The following LITAF variants were observed in gnomAD, a reference collection of about 807,000 sequenced individuals.
The protein encoded by LITAF is lipopolysaccharide-induced tumor necrosis factor-alpha factor.
A neutral mutation model predicts 14.5 loss-of-function variants in LITAF; 9 were observed. That is an observed-to-expected ratio of 0.62 (90% CI 0.37 to 1.08). The LOEUF (loss-of-function observed/expected upper bound fraction) is 1.08, where lower values mean the gene tolerates loss of function less well. LITAF is among the 50% of genes least tolerant of loss of function. The pLI, the probability that LITAF is intolerant of heterozygous loss-of-function variation, is 0.01. For synonymous variants in LITAF, 98 were observed against 88.2 expected (o/e 1.11, Z -0.62); for missense variants, 206 against 213.4 (o/e 0.97, Z 0.22).
chr16:11,626,855 G>GTT (rs201592153), intron 3 of LITAF, among the ~76,000 whole-genome samples: 25 of 150,282 alleles, frequency 1.7e-4, no homozygotes, highest in African/African-American at 5.6e-4. Context: ...TCTTTTTTTT[G>GTT]TTTTTTTTTG....
In LITAF at chr16:11,553,580, G is replaced by T; in HGVS notation, c.330C>A (p.Asn110Lys). 6.2e-7 allele frequency: 1 copy of T among 1,614,178 alleles called. No homozygotes were observed. Among genetic ancestry groups the T allele is most frequent in the Non-Finnish European group, 8.5e-7 (1 of 1,180,040 alleles). ...NKMIVSQLSY[N>K]AGALTWLSCG... ...AGGACAGCCAGGTCAGAGCACCGGC[G>T]TTATAGGACAGCTGACTCACGATCA... is the stretch of plus-strand genomic sequence containing the variant. The change falls in exon 3 of 4, where the codon AAC becomes AAA. Residue 110 changes from asparagine to lysine, a missense_variant. Physicochemically the swap from Asn to Lys is moderately conservative, Grantham distance 94 (BLOSUM62 0). Coordinates refer to ENST00000622633, the MANE Select transcript of LITAF (RefSeq NM_001136472.2). The surrounding 1 kb of genome is among the most constrained non-coding windows in gnomAD (Gnocchi z 7.7).
At chr16:11,589,109 C>A (rs994399807), upstream of LITAF, among the ~76,000 whole-genome samples, 8 of 152,126 alleles carry the variant, frequency 5.3e-5, no homozygotes, top group African/African-American at 1.4e-4. Context: ...GACTGTAACT[C>A]TTTTCTTTGA....
At chr16:11,560,462 T>G (rs971202195) in intron 1 of LITAF, among the ~76,000 whole-genome samples, 2 of 151,182 alleles carry the variant, frequency 1.3e-5, no homozygotes, top group African/African-American at 2.4e-5. Flanking sequence ...AATACAGAAA[T>G]TAGCCAGGTC....
Position 11,553,467 on chromosome 16 carries a change from C to G in LITAF, c.377+66G>C. ...ATGTCAAGCATGGTGCAGTTGAGAA[C>G]CCACCCCCGCCAGCACCCAGAGAGA... On this transcript the variant is annotated intron_variant, in intron 3 of 3. Coordinates refer to ENST00000622633, the MANE Select transcript of LITAF (RefSeq NM_001136472.2). The surrounding 1 kb of genome is among the most constrained non-coding windows in gnomAD (Gnocchi z 7.7). 1 of 1,561,968 alleles carries G rather than the reference C, an allele frequency of 6.4e-7. No individual in the cohort carries two copies. Among genetic ancestry groups the G allele is most frequent in the Non-Finnish European group, 8.8e-7 (1 of 1,139,608 alleles).
At chr16:11,596,932 T>C (rs2064892970) in intron 1 of LITAF, among the ~76,000 whole-genome samples, 1 of 152,046 alleles carries the variant, frequency 6.6e-6, no homozygotes, top group Admixed American at 6.6e-5. Flanking sequence ...CACCATCTCA[T>C]TTTCTCCTTA....
chr16:11,561,898 CT>C (rs140200933), intron 1 of LITAF, among the ~76,000 whole-genome samples: 2,859 of 149,860 alleles, frequency 0.019, 104 homozygotes, highest in African/African-American at 0.067. Flanking sequence ...TCCACAATGT[CT>C]TTTTTTTAAA....
intron 1 of LITAF, among the ~76,000 whole-genome samples, chr16:11,565,324 C>T (rs981178507): frequency 6.6e-6 from 1 of 151,924 alleles, no homozygotes; most frequent in Admixed American, 6.6e-5. Context: ...CTCAAGTGAT[C>T]CACCTGCCTC....
intron 1 of LITAF, among the ~76,000 whole-genome samples, chr16:11,564,442 C>G (rs1488353876): frequency 6.6e-6 from 1 of 152,206 alleles, no homozygotes; most frequent in African/African-American, 2.4e-5. Flanking sequence ...CAAGCTGCTA[C>G]TTCGGGCACT....
intron 3 of LITAF, among the ~76,000 whole-genome samples, chr16:11,614,978 G>A (rs780510967): frequency 8.5e-5 from 13 of 152,304 alleles, no homozygotes; most frequent in South Asian, 2.1e-4. Context: ...AGATGGGGCC[G>A]GGTCTGAGTG....
At chr16:11,552,428 A>G (rs1212680233) in intron 3 of LITAF, among the ~76,000 whole-genome samples, 3 of 152,240 alleles carry the variant, frequency 2.0e-5, no homozygotes, top group Non-Finnish European at 4.4e-5. Context: ...TCGGGTCATA[A>G]AAGGATAAGA....
At chr16:11,565,733 C>T (rs1174197258) in intron 1 of LITAF, among the ~76,000 whole-genome samples, 1 of 152,126 alleles carries the variant, frequency 6.6e-6, no homozygotes, top group Non-Finnish European at 1.5e-5. Context: ...TCCCGCCACA[C>T]CTGCCTTGCT....
intron 1 of LITAF, among the ~76,000 whole-genome samples, chr16:11,578,939 AG>A (rs1343183122): frequency 6.6e-6 from 1 of 152,120 alleles, no homozygotes; most frequent in Non-Finnish European, 1.5e-5. Flanking sequence ...CTATAATCCC[AG>A]CACTCTGGGA....
chr16:11,598,973 C>G (rs963090683), upstream of LITAF, among the ~76,000 whole-genome samples: 1 of 151,666 alleles, frequency 6.6e-6, no homozygotes, highest in Non-Finnish European at 1.5e-5. Flanking sequence ...GCACCCGCCA[C>G]CACTTCTGGC....
upstream of LITAF, among the ~76,000 whole-genome samples, chr16:11,600,022 G>A (rs59033158): frequency 0.032 from 4,873 of 152,072 alleles, 106 homozygotes; most frequent in South Asian, 0.056. The surrounding 1 kb of genome is among the most constrained non-coding windows in gnomAD (Gnocchi z 4.1). Flanking sequence ...TTAGAGACAG[G>A]TCTCACTCTG....
rs34586225 is a variant in LITAF at position 11,594,186 on chromosome 16, G to GA, written c.-6+4201dup. 5.8e-3 allele frequency among the ~76,000 whole-genome samples: 839 copies of GA among 143,928 alleles called. 8 individuals are homozygous for GA. Among genetic ancestry groups the GA allele is most frequent in the African/African-American group, 0.014 (568 of 39,548 alleles). 94.4% of individuals were successfully genotyped at this position (143,928 alleles called of 152,430 possible). On this transcript the variant is annotated intron_variant, in intron 1 of 3. Coordinates refer to the LITAF transcript ENST00000571627. The stretch of plus-strand genomic sequence containing the variant: ...GGGTGACAAAGTGAGACCCTGTCTC[G>GA]AAAAAAAAAAAAAATTCTAGAACTA...
intron 1 of LITAF, among the ~76,000 whole-genome samples, chr16:11,571,102 C>T (rs1267891744): frequency 6.6e-6 from 1 of 152,150 alleles, no homozygotes; most frequent in Non-Finnish European, 1.5e-5. Flanking sequence ...AAGTCTCACT[C>T]TGTCGCCCAG....
rs57678584 is a variant in LITAF, at chr16:11,593,354, C to CAA, written c.-6+5032_-6+5033dup. Among the ~76,000 whole-genome samples, 417 of 54,456 alleles carry CAA rather than the reference C, an allele frequency of 7.7e-3. 5 individuals carry two copies. The highest frequency in any genetic ancestry group is 0.019 in the African/African-American group (266 of 14,072). 35.7% of individuals were successfully genotyped at this position (54,456 alleles called of 152,430 possible). On this transcript the variant is annotated intron_variant, in intron 1 of 3. Coordinates refer to the LITAF transcript ENST00000571627. ...ATGGGAGACAAGCGAAACTCTGTCTCAAAAAAAAAAAAAAAAAAAAAAAAA... is the reference window on the plus strand; with the variant it reads ...ATGGGAGACAAGCGAAACTCTGTCTCAAAAAAAAAAAAAAAAAAAAAAAAAAA...
In LITAF at chr16:11,548,820, T is replaced by A. The variant is rs15035; in HGVS notation, c.*817A>T. On this transcript the variant is annotated 3_prime_UTR_variant, in exon 4 of 4. Transcript: ENST00000622633. ...GTAAGACCCCATCTCTGTTTTTTTT[T>A]AAAAAAAAGAAATTCTGTTCAAAAG... 70 of 452,110 alleles carry A rather than the reference T, an allele frequency of 1.5e-4. No homozygotes were observed. The highest frequency in any genetic ancestry group is 3.6e-4 in the Admixed American group (15 of 42,232). 28.0% of individuals were successfully genotyped at this position (452,110 alleles called of 1,614,324 possible).
chr16:11,614,962 G>A (rs935647603), intron 3 of LITAF, among the ~76,000 whole-genome samples: 6 of 152,202 alleles, frequency 3.9e-5, no homozygotes, highest in Non-Finnish European at 8.8e-5. Flanking sequence ...CCTGTGGCCC[G>A]CTGTCAGATG....
Sources: allele counts gnomAD v4.1 joint callset (sites outside exome capture counted in the v4.1 genomes callset), GRCh38; gene constraint gnomAD v4.1.1; non-coding constraint Gnocchi (gnomAD v3.1); transcripts MANE v1.5; gene names NCBI Gene and HGNC (gene_info 2026-07-23, HGNC 2026-07-21).